The following NKAIN2 variants were observed in gnomAD, a reference collection of about 807,000 sequenced individuals.
NKAIN2 encodes sodium/potassium-transporting ATPase subunit beta-1-interacting protein 2.
NKAIN2 carries 14 observed loss-of-function variants against 32.6 expected under a neutral mutation model. The observed-to-expected ratio is 0.43, with a 90% CI of 0.28 to 0.67. NKAIN2 has a LOEUF of 0.67. NKAIN2 is among the 30% of genes least tolerant of loss of function. The pLI is 0.17. For missense variants in NKAIN2, 198 were observed against 258.3 expected (o/e 0.77, Z 1.60); for synonymous variants, 80 against 87.2 (o/e 0.92, Z 0.46).
chr6:124,737,132 A>G (rs1776984651), intron 4 of NKAIN2, among the ~76,000 whole-genome samples: 1 of 151,878 alleles, frequency 6.6e-6, no homozygotes, highest in South Asian at 2.1e-4. Context: ...TGAGGGGTTC[A>G]AGGCTTTAGT....
intron 3 of NKAIN2, among the ~76,000 whole-genome samples, chr6:124,409,350 T>G (rs1368659893): frequency 7.2e-5 from 11 of 152,282 alleles, no homozygotes; most frequent in East Asian, 3.9e-4. Flanking sequence ...TAGCTCTTAT[T>G]ATTTTGAGAT....
intron 4 of NKAIN2, among the ~76,000 whole-genome samples, chr6:124,739,361 A>C (rs904752150): frequency 6.6e-6 from 1 of 151,896 alleles, no homozygotes; most frequent in African/African-American, 2.4e-5. Flanking sequence ...GCAGAAATTA[A>C]TCATAGGAGA....
intron 2 of NKAIN2, among the ~76,000 whole-genome samples, chr6:124,346,163 C>G (rs941187672): frequency 1.3e-5 from 2 of 152,068 alleles, no homozygotes; most frequent in Non-Finnish European, 2.9e-5. Context: ...TTTCTTAATC[C>G]TGAGTTCTAG....
intron 1 of NKAIN2, among the ~76,000 whole-genome samples, chr6:124,245,669 T>C (rs1416833588): frequency 6.6e-6 from 1 of 152,136 alleles, no homozygotes; most frequent in Non-Finnish European, 1.5e-5. Context: ...AATATATCAT[T>C]GTGTCAGGAG....
intron 1 of NKAIN2, among the ~76,000 whole-genome samples, chr6:124,114,353 T>C (rs746055765): frequency 6.6e-6 from 1 of 152,074 alleles, no homozygotes; most frequent in Non-Finnish European, 1.5e-5. Flanking sequence ...AGTAGTATTG[T>C]CCATTAACAG....
At chr6:124,822,764 C>T (rs775282158) in intron 6 of NKAIN2, among the ~76,000 whole-genome samples, 26 of 151,896 alleles carry the variant, frequency 1.7e-4, no homozygotes, top group East Asian at 7.8e-4. Flanking sequence ...GCTCCAGCCC[C>T]GGCAACAGAG....
At chr6:123,866,300 AAG>A (rs141943000) in intron 1 of NKAIN2, among the ~76,000 whole-genome samples, 1,842 of 152,312 alleles carry the variant, frequency 0.012, 30 homozygotes, top group African/African-American at 0.042. Flanking sequence ...CATTTCTTAA[AAG>A]AGTAATTACA....
At chr6:124,647,414 A>C (rs1784214139) in intron 3 of NKAIN2, among the ~76,000 whole-genome samples, 1 of 147,560 alleles carries the variant, frequency 6.8e-6, no homozygotes, top group African/African-American at 2.5e-5. Flanking sequence ...AGACGTGCTC[A>C]CTTGAACCCA....
At chr6:124,190,951 T>TC (rs890472910) in intron 1 of NKAIN2, among the ~76,000 whole-genome samples, 4 of 152,082 alleles carry the variant, frequency 2.6e-5, no homozygotes, top group Non-Finnish European at 5.9e-5. Flanking sequence ...TATAACATCC[T>TC]CCCCCACCAT....
intron 2 of NKAIN2, among the ~76,000 whole-genome samples, chr6:124,303,261 G>A (rs1463715969): frequency 1.3e-5 from 2 of 152,154 alleles, no homozygotes; most frequent in Non-Finnish European, 2.9e-5. Flanking sequence ...TATATGCAAA[G>A]TGACCCCCAA....
At chr6:124,752,186 T>G (rs1030367026) in intron 4 of NKAIN2, among the ~76,000 whole-genome samples, 3 of 151,972 alleles carry the variant, frequency 2.0e-5, no homozygotes, top group Non-Finnish European at 4.4e-5. Context: ...CTTACAATTC[T>G]GTCAGAAGGG....
chr6:124,187,492 A>G (rs756412036), intron 1 of NKAIN2, among the ~76,000 whole-genome samples: 1 of 152,178 alleles, frequency 6.6e-6, no homozygotes, highest in Non-Finnish European at 1.5e-5. Flanking sequence ...GATAAGATCA[A>G]AAAGCATATT....
At chr6:124,774,856 C>CAAAAA (rs777636496) in intron 4 of NKAIN2, among the ~76,000 whole-genome samples, 2 of 72,804 alleles carry the variant, frequency 2.7e-5, no homozygotes, top group South Asian at 5.3e-4. Context: ...AACTTCATCT[C>CAAAAA]AAAAAAAAAA....
At chr6:124,734,244 C>G (rs1360290310) in intron 4 of NKAIN2, among the ~76,000 whole-genome samples, 1 of 151,774 alleles carries the variant, frequency 6.6e-6, no homozygotes, top group Non-Finnish European at 1.5e-5. Context: ...TATGTAAATT[C>G]TATTTACAAA....
chr6:123,932,434 T>TTTTTTTTTTTTTTTTTTC (rs1481221049), intron 1 of NKAIN2, among the ~76,000 whole-genome samples: 6 of 91,832 alleles, frequency 6.5e-5, no homozygotes, highest in Admixed American at 1.1e-4. Context: ...TTTTTTTTTT[T>TTTTTTTTTTTTTTTTTTC]GAGAAAGAGT....
chr6:124,760,592 A>G (rs1778220018), intron 4 of NKAIN2, among the ~76,000 whole-genome samples: 1 of 151,948 alleles, frequency 6.6e-6, no homozygotes, highest in Non-Finnish European at 1.5e-5. Context: ...TGTGGCCAAT[A>G]CCAGATTTTT....
intron 2 of NKAIN2, among the ~76,000 whole-genome samples, chr6:124,289,952 A>T (rs1189276058): frequency 6.6e-6 from 1 of 152,194 alleles, no homozygotes; most frequent in Non-Finnish European, 1.5e-5. Context: ...TAGATTAGAG[A>T]TGAAGAGACT....
chr6:123,825,737 A>T (rs541823162), intron 1 of NKAIN2, among the ~76,000 whole-genome samples: 4 of 152,248 alleles, frequency 2.6e-5, no homozygotes, highest in Admixed American at 2.6e-4. Context: ...TCATTTTGTC[A>T]TCTATTAAAA....
At chr6:124,240,734 T>C (rs1359079722) in intron 1 of NKAIN2, among the ~76,000 whole-genome samples, 1 of 152,150 alleles carries the variant, frequency 6.6e-6, no homozygotes, top group Non-Finnish European at 1.5e-5. Flanking sequence ...TAGGTATTGA[T>C]GGAATGTATC....
Sources: gnomAD v4.1 joint callset for allele counts (sites outside exome capture counted in the v4.1 genomes callset) on GRCh38, gnomAD v4.1.1 for gene constraint, MANE v1.5 for transcripts, NCBI Gene and HGNC (gene_info 2026-07-23, HGNC 2026-07-21) for gene names.